Variants in SP6 observed in about 807,000 individuals in gnomAD.
SP6 encodes the protein Sp6 transcription factor, also known as transcription factor Sp6.
SP6 carries 10 observed loss-of-function variants against 23.4 expected under a neutral mutation model. That is an observed-to-expected ratio of 0.43 (90% CI 0.26 to 0.72). The LOEUF (loss-of-function observed/expected upper bound fraction) is 0.72. SP6 is among the 30% of genes least tolerant of loss of function. The probability of loss-of-function intolerance (pLI) is 0.23; values close to 1 mark genes in which losing one functional copy is unlikely to be tolerated. For synonymous variants in SP6, 238 were observed against 238.7 expected (o/e 1.00, Z 0.03); for missense variants, 482 against 523.8 (o/e 0.92, Z 0.78).
upstream of SP6, among the ~76,000 whole-genome samples, chr17:47,856,617 C>T (rs2034000408): frequency 6.6e-6 from 1 of 152,040 alleles, no homozygotes; most frequent in Non-Finnish European, 1.5e-5. Context: ...CAAACATGTC[C>T]CAGGGCAGAG....
At chr17:47,860,397 G>A (rs976827066), upstream of SP6, among the ~76,000 whole-genome samples, 1 of 152,220 alleles carries the variant, frequency 6.6e-6, no homozygotes, top group African/African-American at 2.4e-5. Flanking sequence ...GCATGTGTAA[G>A]ATCGTGAGTT....
rs2033922013 is a variant in SP6, at chr17:47,848,467, A to G, written c.-38T>C. ...GGGTGGGGTGAGGGCAGGGACGGTC[A>G]GGGGCACCTCAGACGGGACCTAAAG... On this transcript the variant is annotated 5_prime_UTR_variant, in exon 2 of 2. Coordinates refer to ENST00000536300, the MANE Select transcript of SP6 (RefSeq NM_001258248.2). The surrounding 1 kb of genome is among the most constrained non-coding windows in gnomAD (Gnocchi z 5.3). The G allele has an allele frequency of 1.4e-6, 2 of 1,462,926 alleles. No homozygotes were observed. The highest frequency in any genetic ancestry group is 1.8e-6 in the Non-Finnish European group (2 of 1,103,784). 90.6% of individuals were successfully genotyped at this position (1,462,926 alleles called of 1,614,324 possible).
the SP6 span, among the ~76,000 whole-genome samples, chr17:47,866,724 G>A: frequency 2.0e-4 from 31 of 152,088 alleles, no homozygotes; most frequent in Non-Finnish European, 3.4e-4. Flanking sequence ...CACCCAACCC[G>A]CTGATCGGCA....
intron 1 of SP6, among the ~76,000 whole-genome samples, chr17:47,849,745 C>A (rs2143652671): frequency 6.6e-6 from 1 of 152,338 alleles, no homozygotes; most frequent in Admixed American, 6.5e-5. Context: ...ACGCTAAAGA[C>A]CCCCAACGCT....
chr17:47,872,320 C>A, the SP6 span, among the ~76,000 whole-genome samples: 155 of 152,354 alleles, frequency 1.0e-3, no homozygotes, highest in Middle Eastern at 3.4e-3. Flanking sequence ...CCGAGACAAA[C>A]CCCGGCAGGG....
At chr17:47,873,277 G>C in the SP6 span, among the ~76,000 whole-genome samples, 1 of 152,106 alleles carries the variant, frequency 6.6e-6, no homozygotes. Context: ...GGAAAACTAA[G>C]TCCTACAATA....
chr17:47,851,749 C>T (rs2033959133), upstream of SP6, among the ~76,000 whole-genome samples: 1 of 150,294 alleles, frequency 6.7e-6, no homozygotes, highest in Non-Finnish European at 1.5e-5. Context: ...CCCCCGCACC[C>T]CGCGCCGCTT....
At chr17:47,854,558 C>T (rs1271799095), upstream of SP6, among the ~76,000 whole-genome samples, 1 of 152,154 alleles carries the variant, frequency 6.6e-6, no homozygotes, top group African/African-American at 2.4e-5. Context: ...GAGGAAACAG[C>T]ATTCTTAAAT....
At chr17:47,861,225 G>A in the SP6 span, among the ~76,000 whole-genome samples, 1 of 152,146 alleles carries the variant, frequency 6.6e-6, no homozygotes, top group East Asian at 1.9e-4. Context: ...GTGGCCCGTA[G>A]GTTATTACCT....
At chr17:47,875,244 G>A in the SP6 span, among the ~76,000 whole-genome samples, 21,605 of 151,528 alleles carry the variant, frequency 0.14, 1,802 homozygotes, top group South Asian at 0.24. Context: ...CTGCTTCCCC[G>A]GGGGGGCCTG....
upstream of SP6, among the ~76,000 whole-genome samples, chr17:47,858,767 C>CTTTTTTTTTTTTT (rs36092685): frequency 1.2e-4 from 11 of 92,648 alleles, 4 homozygotes; most frequent in Non-Finnish European, 1.2e-4. Context: ...GATGAAGCAT[C>CTTTTTTTTTTTTT]TTTTTTTTTT....
the SP6 span, among the ~76,000 whole-genome samples, chr17:47,865,788 G>T: frequency 6.6e-6 from 1 of 152,092 alleles, no homozygotes; most frequent in Admixed American, 6.5e-5. Context: ...TGGTGCAGTG[G>T]GTTCCCTCCA....
chr17:47,868,875 A>T, the SP6 span, among the ~76,000 whole-genome samples: 1 of 152,182 alleles, frequency 6.6e-6, no homozygotes, highest in Admixed American at 6.5e-5. Context: ...CTGCAGGTGT[A>T]ATTAGCCCTG....
Position 47,848,112 on chromosome 17 carries a change from C to A in SP6, c.318G>T (p.Ser106=). 1.9e-6 allele frequency: 3 copies of A among 1,613,620 alleles called. No homozygotes were observed. The highest frequency in any genetic ancestry group is 2.5e-6 in the Non-Finnish European group (3 of 1,179,966). Residue 106 remains serine, a synonymous_variant, in exon 2 of 2, where the codon TCG becomes TCT. Transcript: ENST00000536300. This position sits in a 1 kb window ranked among gnomAD's most constrained non-coding sequence, Gnocchi z 5.3. The part of the protein sequence containing the change: ...LQPDMSHHYE[S]WFRPTHPGAE... ...CGCCTGGGTGAGTCGGCCTGAACCACGATTCATAATGGTGTGACATGTCCG... is the reference window on the plus strand; with the variant it reads ...CGCCTGGGTGAGTCGGCCTGAACCAAGATTCATAATGGTGTGACATGTCCG...
the SP6 span, among the ~76,000 whole-genome samples, chr17:47,874,085 T>C: frequency 4.0e-5 from 6 of 150,682 alleles, no homozygotes; most frequent in Admixed American, 1.3e-4. Flanking sequence ...CCCTCCTCCT[T>C]CTTCTTCTTT....
At chr17:47,851,703 C>T (rs570856071), upstream of SP6, among the ~76,000 whole-genome samples, 1 of 137,460 alleles carries the variant, frequency 7.3e-6, no homozygotes, top group East Asian at 2.7e-4. Context: ...TCGCCATTCC[C>T]CCGACCCCCG....
chr17:47,871,901 G>A, the SP6 span, among the ~76,000 whole-genome samples: 1 of 152,164 alleles, frequency 6.6e-6, no homozygotes, highest in Non-Finnish European at 1.5e-5. Flanking sequence ...GATTACAGGC[G>A]TCAGCCACCG....
rs760836153 is a variant in SP6, at chr17:47,848,254, G to A, written c.176C>T (p.Pro59Leu). The change falls in exon 2 of 2, where the codon CCG becomes CTG. Residue 59 changes from proline to leucine, a missense_variant. Coordinates refer to ENST00000536300, the MANE Select transcript of SP6 (RefSeq NM_001258248.2). This position sits in a 1 kb window ranked among gnomAD's most constrained non-coding sequence, Gnocchi z 5.3. ...ATAGCCCTGCGAGAAGTCCACCTCC[G>A]GGCCCAGCGGGAGGCTCTGCAGCTC... is the stretch of plus-strand genomic sequence containing the variant. ...PGELQSLPLG[P>L]EVDFSQGYEL... 1 of 1,611,830 alleles carries A rather than the reference G, an allele frequency of 6.2e-7. No individual in the cohort carries two copies. The highest frequency in any genetic ancestry group is 2.2e-5 in the East Asian group (1 of 44,842).
chr17:47,854,637 G>C (rs1260914459), upstream of SP6, among the ~76,000 whole-genome samples: 2 of 152,150 alleles, frequency 1.3e-5, no homozygotes, highest in Admixed American at 1.3e-4. Flanking sequence ...TTGAATTGCT[G>C]AGACAAGTCA....
Sources: gnomAD v4.1 joint callset for allele counts (sites outside exome capture counted in the v4.1 genomes callset) on GRCh38, gnomAD v4.1.1 for gene constraint, Gnocchi (gnomAD v3.1) non-coding constraint, MANE v1.5 for transcripts, NCBI Gene and HGNC (gene_info 2026-07-23, HGNC 2026-07-21) for gene names.